SLC24A2: variants seen among roughly 807,000 people sequenced by gnomAD.
The protein encoded by SLC24A2 is solute carrier family 24 member 2, also known as sodium/potassium/calcium exchanger 2.
A neutral mutation model predicts 62.0 loss-of-function variants in SLC24A2; 36 were observed. That is an observed-to-expected ratio of 0.58 (90% CI 0.44 to 0.77). The LOEUF is 0.77. Among genes scored for constraint, SLC24A2 ranks in the 30% least tolerant of loss-of-function variants. The probability of loss-of-function intolerance (pLI) is 0.00; values close to 1 mark genes in which losing one functional copy is unlikely to be tolerated. For missense variants in SLC24A2, 846 were observed against 817.9 expected (o/e 1.03, Z -0.42); for synonymous variants, 358 against 294.0 (o/e 1.22, Z -2.23).
chr9:19,580,473 A>G (rs1349367548), intron 5 of SLC24A2, among the ~76,000 whole-genome samples: 4 of 152,216 alleles, frequency 2.6e-5, no homozygotes, highest in Non-Finnish European at 5.9e-5. Flanking sequence ...TGCTGTGAGG[A>G]TGAGGCTAAC....
chr9:19,829,025 AC>A, the SLC24A2 span, among the ~76,000 whole-genome samples: 1 of 151,928 alleles, frequency 6.6e-6, no homozygotes, highest in Non-Finnish European at 1.5e-5. Context: ...CCTCTCTCAT[AC>A]TTTTACCCAC....
intron 2 of SLC24A2, among the ~76,000 whole-genome samples, chr9:19,703,425 A>G (rs1292511861): frequency 6.6e-6 from 1 of 152,202 alleles, no homozygotes; most frequent in African/African-American, 2.4e-5. Flanking sequence ...AGCACACTAA[A>G]GATCCATTCC....
chr9:20,217,671 G>C, the SLC24A2 span, among the ~76,000 whole-genome samples: 8 of 148,076 alleles, frequency 5.4e-5, 1 homozygote, highest in South Asian at 4.2e-4. Flanking sequence ...AACTGCACTA[G>C]AGACTCCATT....
chr9:19,822,101 T>G, the SLC24A2 span, among the ~76,000 whole-genome samples: 5 of 152,154 alleles, frequency 3.3e-5, no homozygotes, highest in Admixed American at 3.3e-4. Context: ...CCAGCTATTG[T>G]GTGCTGGAAG....
chr9:19,936,347 C>T, the SLC24A2 span, among the ~76,000 whole-genome samples: 1 of 152,190 alleles, frequency 6.6e-6, no homozygotes, highest in Non-Finnish European at 1.5e-5. Context: ...GATCAGGGCT[C>T]ACTGCAGCCT....
intron 2 of SLC24A2, among the ~76,000 whole-genome samples, chr9:19,731,354 T>A (rs1234113519): frequency 2.0e-5 from 3 of 152,216 alleles, no homozygotes; most frequent in Admixed American, 6.5e-5. Flanking sequence ...CCCACCCACA[T>A]TCAAATGTTG....
the SLC24A2 span, among the ~76,000 whole-genome samples, chr9:19,991,946 C>T: frequency 6.6e-6 from 1 of 152,034 alleles, no homozygotes; most frequent in African/African-American, 2.4e-5. Flanking sequence ...GACTTGGGGA[C>T]TGGATGGATG....
At chr9:20,037,327 C>T in the SLC24A2 span, among the ~76,000 whole-genome samples, 1 of 152,124 alleles carries the variant, frequency 6.6e-6, no homozygotes, top group Non-Finnish European at 1.5e-5. Context: ...CAGACTCAAC[C>T]ATCCACTTTT....
chr9:19,899,101 C>T, the SLC24A2 span, among the ~76,000 whole-genome samples: 1 of 152,176 alleles, frequency 6.6e-6, no homozygotes, highest in African/African-American at 2.4e-5. Flanking sequence ...ATCAGCCTCA[C>T]ATGAAAATAA....
rs1048436592 is a variant in SLC24A2, at chr9:19,507,531, A to C, written c.*8622T>G. 2 of 152,218 alleles carry C rather than the reference A, an allele frequency of 1.3e-5. No homozygotes were observed. The highest frequency in any genetic ancestry group is 2.9e-5 in the Non-Finnish European group (2 of 68,042). The allele number at this position is 152,218 out of a possible 1,614,324, so 9.4% of individuals were successfully genotyped here. A position where few individuals can be genotyped will look rare whatever the true frequency, so the allele number is the denominator to read the frequency against. Reference sequence around the variant, plus strand: ...AGTTACATAAAGTGATATTCTATGAATTGATTATCAGTAGTAGAAGCACAA... The same window carrying C: ...AGTTACATAAAGTGATATTCTATGACTTGATTATCAGTAGTAGAAGCACAA... On this transcript the variant is annotated 3_prime_UTR_variant, in exon 11 of 11. Transcript: ENST00000341998.
intron 2 of SLC24A2, among the ~76,000 whole-genome samples, chr9:19,700,018 T>C (rs1820309404): frequency 6.6e-6 from 1 of 152,186 alleles, no homozygotes. Context: ...CGAGCCTCTG[T>C]AATTGTATTT....
In SLC24A2 at chr9:19,761,931, G is replaced by A. The variant is rs930098389; in HGVS notation, c.930+24006C>T. Among the ~76,000 whole-genome samples, 10 of 152,038 alleles carry A rather than the reference G, an allele frequency of 6.6e-5. No individual in the cohort carries two copies. The East Asian group carries it at 7.7e-4, about 12-fold the overall frequency. On this transcript the variant is annotated intron_variant, in intron 2 of 10. Transcript: ENST00000341998. ...AGTCTTTGCTGTCGTGAATAGTGCCGCAATAAACATACGTGTGCATGTGTC... is the reference window on the plus strand; with the variant it reads ...AGTCTTTGCTGTCGTGAATAGTGCCACAATAAACATACGTGTGCATGTGTC...
At chr9:20,008,294 G>T in the SLC24A2 span, among the ~76,000 whole-genome samples, 1 of 151,988 alleles carries the variant, frequency 6.6e-6, no homozygotes, top group Non-Finnish European at 1.5e-5. Context: ...GCTGGGAGGG[G>T]AACAAGGGAG....
At chr9:20,083,541 T>C in the SLC24A2 span, among the ~76,000 whole-genome samples, 1 of 152,242 alleles carries the variant, frequency 6.6e-6, no homozygotes, top group Non-Finnish European at 1.5e-5. Flanking sequence ...GCTTCTCACA[T>C]GCTGTACTAG....
chr9:19,785,980 C>T lies in SLC24A2; in HGVS notation c.887G>A (p.Arg296His), dbSNP rs771755386. The change falls in exon 2 of 11, where the codon CGC (arginine) becomes CAC (histidine). Residue 296 changes from arginine to histidine, a missense_variant. Transcript: ENST00000341998. ...TGCTGTCACCTTGACGACCTTATTG[C>T]GGTTTATCATTTGCTTCACCCATTT... ...VEKWVKQMINRNKVVKVTAPE... is the reference protein window; with the variant it reads ...VEKWVKQMINHNKVVKVTAPE... 158 of 1,614,044 alleles carry T rather than the reference C, an allele frequency of 9.8e-5. No individual in the cohort carries two copies. Among genetic ancestry groups the T allele is most frequent in the Non-Finnish European group, 1.2e-4 (144 of 1,180,014 alleles).
At chr9:20,117,107 C>T in the SLC24A2 span, among the ~76,000 whole-genome samples, 10 of 152,238 alleles carry the variant, frequency 6.6e-5, no homozygotes, top group South Asian at 2.1e-4. Context: ...AGAGCCCCAC[C>T]GACTACGCCA....
chr9:20,096,315 C>G, the SLC24A2 span, among the ~76,000 whole-genome samples: 92 of 152,156 alleles, frequency 6.0e-4, no homozygotes, highest in Non-Finnish European at 9.6e-4. Flanking sequence ...CCACCTTAAT[C>G]TATAACTCAT....
At chr9:19,773,380 A>C (rs937994505) in intron 2 of SLC24A2, among the ~76,000 whole-genome samples, 3 of 152,236 alleles carry the variant, frequency 2.0e-5, no homozygotes, top group Non-Finnish European at 4.4e-5. Context: ...TAGAAGGCAA[A>C]GAGAACTATT....
chr9:19,783,646 A>G (rs1045615089), intron 2 of SLC24A2, among the ~76,000 whole-genome samples: 31 of 152,210 alleles, frequency 2.0e-4, no homozygotes, highest in African/African-American at 7.5e-4. Context: ...TTCTGCAATC[A>G]GGCATATGAT....
Sources: gnomAD v4.1 joint callset for allele counts (sites outside exome capture counted in the v4.1 genomes callset) on GRCh38, gnomAD v4.1.1 for gene constraint, MANE v1.5 for transcripts, NCBI Gene and HGNC (gene_info 2026-07-23, HGNC 2026-07-21) for gene names.